Variants in ANXA11 observed in about 807,000 individuals in gnomAD.
ANXA11 encodes 56 kDa autoantigen.
ANXA11 carries 57 observed loss-of-function variants against 64.7 expected under a neutral mutation model. The ratio of observed to expected loss-of-function variants is 0.88; its 90% CI spans 0.71 to 1.10. The LOEUF is 1.10. ANXA11 is among the 50% of genes least tolerant of loss of function. ANXA11 has a pLI of 0.00. For missense variants in ANXA11, 675 were observed against 670.7 expected, an observed-to-expected ratio of 1.01 and a Z score of -0.07; for synonymous variants, 260 against 265.2, an observed-to-expected ratio of 0.98 and a Z score of 0.19.
intron 1 of ANXA11, among the ~76,000 whole-genome samples, chr10:80,186,457 C>T (rs1319189531): frequency 2.0e-5 from 3 of 152,136 alleles, no homozygotes; most frequent in African/African-American, 7.2e-5. Context: ...CTTTCCATCC[C>T]CTCCACGTGC....
intron 1 of ANXA11, among the ~76,000 whole-genome samples, chr10:80,193,446 GTAT>G (rs1229715782): frequency 2.0e-5 from 3 of 151,936 alleles, no homozygotes; most frequent in Non-Finnish European, 4.4e-5. Context: ...CTTTTTTCGT[GTAT>G]TATTATAAAA....
intron 7 of ANXA11, chr10:80,166,464 C>A: frequency 2.2e-6 from 1 of 460,502 alleles, no homozygotes; most frequent in Non-Finnish European, 3.9e-6. Flanking sequence ...TCAATATTTA[C>A]CGAATTTTTA....
At chr10:80,170,521 A>ATGAGTATCTT (rs1845928832) in intron 4 of ANXA11, among the ~76,000 whole-genome samples, 1 of 152,158 alleles carries the variant, frequency 6.6e-6, no homozygotes, top group Non-Finnish European at 1.5e-5. Flanking sequence ...TACCCTCGCC[A>ATGAGTATCTT]CCTTCCCAAC....
chr10:80,156,269 C>T (rs1845272197), intron 15 of ANXA11: 9 of 396,060 alleles, frequency 2.3e-5, no homozygotes, highest in South Asian at 1.9e-4. Flanking sequence ...TAACGCAACA[C>T]AGTGTCCTGC....
intron 1 of ANXA11, among the ~76,000 whole-genome samples, chr10:80,203,832 G>A (rs1840556084): frequency 1.3e-5 from 2 of 152,226 alleles, no homozygotes; most frequent in Non-Finnish European, 1.5e-5. Context: ...CAGAGAGCAT[G>A]AGCTTAGCAT....
chr10:80,164,004 C>T (rs772904915), intron 9 of ANXA11, 49 bp downstream of exon 9: 1 of 1,510,728 alleles, frequency 6.6e-7, no homozygotes, highest in Non-Finnish European at 9.2e-7. Flanking sequence ...CCCAAGAGCA[C>T]AGGGATCTGC....
intron 1 of ANXA11, among the ~76,000 whole-genome samples, chr10:80,201,143 CCTCGCTTCTG>C (rs1284344053): frequency 6.6e-6 from 1 of 152,150 alleles, no homozygotes; most frequent in Non-Finnish European, 1.5e-5. Context: ...TTCACTCCAA[CCTCGCTTCTG>C]CTCACATCAT....
chr10:80,166,504 C>A (rs1359852414), intron 7 of ANXA11: 8 of 437,860 alleles, frequency 1.8e-5, no homozygotes, highest in Non-Finnish European at 2.9e-5. Flanking sequence ...CCCAGAAGTT[C>A]AAAATATGCT....
chr10:80,198,742 AGAGT>A (rs1368238308), intron 1 of ANXA11, among the ~76,000 whole-genome samples: 3 of 146,174 alleles, frequency 2.1e-5, no homozygotes, highest in African/African-American at 5.3e-5. Flanking sequence ...AAAGAGTGAG[AGAGT>A]GAGTGAGAGA....
chr10:80,205,297 CGCCGCCTGGTCCCAGGCCCCCA>C (rs1840625972), intron 1 of ANXA11, 24 bp downstream of exon 1: 1 of 151,808 alleles, frequency 6.6e-6, no homozygotes, highest in South Asian at 2.1e-4. Flanking sequence ...GGTGCACTGC[CGCCGCCTGGTCCCAGGCCCCCA>C]GCCGGCTCGG....
rs886861478 is a variant in ANXA11, at chr10:80,166,974, C to T, written c.660G>A (p.Glu220=). The T allele has an allele frequency of 1.2e-6, 2 of 1,600,518 alleles. No individual in the cohort carries two copies. The highest frequency in any genetic ancestry group is 1.7e-4 in the Middle Eastern group (1 of 6,032). The change falls in exon 7 of 16, where the codon GAG becomes GAA. Residue 220 remains glutamate (E), a synonymous_variant. Transcript: ENST00000422982. ...RKAMKGFGTD[E]QAIIDCLGSR... ...TCCCCAGGCAGTCAATGATGGCCTG[C>T]TCATCCGTCCCTGGAGGAAGAGGCA... is the stretch of plus-strand genomic sequence containing the variant.
intron 1 of ANXA11, among the ~76,000 whole-genome samples, chr10:80,198,969 C>T (rs867854912): frequency 6.6e-6 from 1 of 152,280 alleles, no homozygotes; most frequent in Middle Eastern, 3.4e-3. Flanking sequence ...CTACCAAAGA[C>T]AGAAACCATG....
upstream of ANXA11, among the ~76,000 whole-genome samples, chr10:80,205,762 G>A (rs1840654980): frequency 6.6e-6 from 1 of 152,200 alleles, no homozygotes; most frequent in African/African-American, 2.4e-5. Context: ...CTCCTGCAGG[G>A]GTGGGCATTT....
Position 80,155,760 on chromosome 10 carries a change from A to T in ANXA11, c.*93T>A. The T allele has an allele frequency of 8.2e-7, 1 of 1,225,324 alleles. No homozygotes were observed. The highest frequency in any genetic ancestry group is 1.2e-6 in the Non-Finnish European group (1 of 831,470). 75.9% of individuals were successfully genotyped at this position (1,225,324 alleles called of 1,614,324 possible). On this transcript the variant is annotated 3_prime_UTR_variant, in exon 16 of 16. Transcript: ENST00000422982. ...CTCTAGGACGGTGAATCTCGGGGCT[A>T]TTTGTGGATTTGTTAGAAACAGACA...
chr10:80,158,260 G>A (rs567947803), intron 13 of ANXA11, among the ~76,000 whole-genome samples: 11 of 152,292 alleles, frequency 7.2e-5, no homozygotes, highest in African/African-American at 1.9e-4. Context: ...GGCAACCACT[G>A]CGGTGAAAGG....
At position 80,163,405 on chromosome 10, in the gene ANXA11, C is replaced by G. The variant is rs1845593761; in HGVS notation, c.1030G>C (p.Gly344Arg). The change falls in exon 11 of 16, where the codon GGA (glycine) becomes CGA (arginine). Residue 344 changes from glycine to arginine, a missense_variant and splice_region_variant. By Grantham distance (125) the Gly-to-Arg change is moderately radical. Transcript: ENST00000422982. ...ACGTTTGTGCTTTCATCACGGTTTCCCTGAAAGGAAGCAGGTGTATGGTCA... is the reference window on the plus strand; with the variant it reads ...ACGTTTGTGCTTTCATCACGGTTTCGCTGAAAGGAAGCAGGTGTATGGTCA... The part of the protein sequence containing the change: ...FQRLLISLSQ[G>R]NRDESTNVDM... 1 of 1,613,936 alleles carries G rather than the reference C, an allele frequency of 6.2e-7. No homozygotes were observed. Among genetic ancestry groups the G allele is most frequent in the South Asian group, 1.1e-5 (1 of 91,072 alleles).
At position 80,157,656 on chromosome 10, in the gene ANXA11, C is replaced by T; in HGVS notation, c.1443G>A (p.Leu481=). Reference sequence around the variant, plus strand: ...AGGCCCGTACCGAGATGTCGTGGTACAGCGACTTGCCGTACATCCGCTTAT... The same window carrying T: ...AGGCCCGTACCGAGATGTCGTGGTATAGCGACTTGCCGTACATCCGCTTAT... ...SEYKRMYGKS[L]YHDISGDTSG... The change falls in exon 15 of 16, where the codon CTG becomes CTA. Residue 481 remains leucine, a synonymous_variant. Coordinates refer to ENST00000422982, the MANE Select transcript of ANXA11 (RefSeq NM_145868.2). 3.1e-6 allele frequency: 5 copies of T among 1,613,744 alleles called. No homozygotes were observed. The highest frequency in any genetic ancestry group is 4.2e-6 in the Non-Finnish European group (5 of 1,179,772).
rs1846030830 is a variant in ANXA11, at chr10:80,172,813, C to T, written c.49G>A (p.Ala17Thr). Residue 17 changes from alanine to threonine, a missense_variant, in exon 3 of 16, where the codon GCA becomes ACA. By Grantham distance (58) the Ala-to-Thr change is moderately conservative (BLOSUM62 0). Coordinates refer to ENST00000422982, the MANE Select transcript of ANXA11 (RefSeq NM_145868.2). Reference sequence around the variant, plus strand: ...CCACCCCAGACCCTCTTACCTGGTGCAGCTGGTGGGTAGCCACCTGGGGGC... The same window carrying T: ...CCACCCCAGACCCTCTTACCTGGTGTAGCTGGTGGGTAGCCACCTGGGGGC... ...PPPPGGYPPA[A>T]PGGGPWGGAA... is the part of the protein sequence containing the mutation. The T allele has an allele frequency of 1.9e-6, 3 of 1,614,056 alleles. No homozygotes were observed. In the South Asian group the frequency reaches 3.3e-5, roughly 18 times the overall value.
intron 1 of ANXA11, among the ~76,000 whole-genome samples, chr10:80,195,419 C>G (rs1269719970): frequency 6.6e-6 from 1 of 152,202 alleles, no homozygotes; most frequent in Non-Finnish European, 1.5e-5. Context: ...TAAGCTGTGT[C>G]AAGCAGTCTG....
Sources: allele counts gnomAD v4.1 joint callset (sites outside exome capture counted in the v4.1 genomes callset), GRCh38; gene constraint gnomAD v4.1.1; transcripts MANE v1.5; gene names NCBI Gene and HGNC (gene_info 2026-07-23, HGNC 2026-07-21).